The following HMBOX1 variants were observed in gnomAD, a reference collection of about 807,000 sequenced individuals.
HMBOX1 encodes homeobox-containing protein 1.
In HMBOX1, 14 loss-of-function variants were observed where a neutral mutation model predicts 54.5. The ratio of observed to expected loss-of-function variants is 0.26; its 90% confidence interval spans 0.17 to 0.40. The LOEUF (loss-of-function observed/expected upper bound fraction) is 0.40. Among genes scored for constraint, HMBOX1 ranks in the 10% least tolerant of loss-of-function variants. HMBOX1 has a pLI of 1.00. For synonymous variants in HMBOX1, 160 were observed against 181.0 expected (o/e 0.88, Z 0.93); for missense variants, 332 against 514.4 (o/e 0.65, Z 3.43).
At chr8:28,983,241 T>G (rs917339623) in intron 4 of HMBOX1, among the ~76,000 whole-genome samples, 1 of 152,206 alleles carries the variant, frequency 6.6e-6, no homozygotes, top group African/African-American at 2.4e-5. Flanking sequence ...CTGATGATTC[T>G]CCATTGTCTA....
At chr8:28,921,477 T>C (rs931325346) in intron 1 of HMBOX1, among the ~76,000 whole-genome samples, 4 of 152,218 alleles carry the variant, frequency 2.6e-5, no homozygotes, top group Admixed American at 1.3e-4. Context: ...AGAAAGATTT[T>C]AATAAAGCTT....
chr8:28,943,548 C>G (rs1215245806), intron 1 of HMBOX1, among the ~76,000 whole-genome samples: 1 of 152,144 alleles, frequency 6.6e-6, no homozygotes, highest in Non-Finnish European at 1.5e-5. Flanking sequence ...CTTCTGCTTT[C>G]AGGAAGGAAA....
chr8:28,974,662 G>A (rs1828071045), intron 3 of HMBOX1, among the ~76,000 whole-genome samples: 1 of 152,114 alleles, frequency 6.6e-6, no homozygotes, highest in African/African-American at 2.4e-5. Flanking sequence ...CAGTTACTAT[G>A]TTATTGATAC....
intron 5 of HMBOX1, chr8:29,009,902 C>A: frequency 9.0e-7 from 1 of 1,110,986 alleles, no homozygotes. Flanking sequence ...TGAGCCTGCC[C>A]TCATGTGTAA....
intron 3 of HMBOX1, among the ~76,000 whole-genome samples, chr8:28,974,265 T>A (rs1828013761): frequency 6.6e-6 from 1 of 152,172 alleles, no homozygotes; most frequent in Admixed American, 6.6e-5. Flanking sequence ...TTTAACAGAT[T>A]GTTGAATATA....
At chr8:28,902,242 G>T (rs982475684) in intron 1 of HMBOX1, among the ~76,000 whole-genome samples, 8 of 152,064 alleles carry the variant, frequency 5.3e-5, no homozygotes, top group African/African-American at 1.4e-4. Flanking sequence ...CCTGTCGCTG[G>T]TACCAGCTAC....
chr8:28,967,381 C>T (rs1267338244), intron 2 of HMBOX1, among the ~76,000 whole-genome samples: 2 of 152,188 alleles, frequency 1.3e-5, no homozygotes, highest in African/African-American at 4.8e-5. Flanking sequence ...TAGATTGTTT[C>T]ATATGCTGTG....
At chr8:29,029,882 AT>A (rs1802646291) in intron 6 of HMBOX1, among the ~76,000 whole-genome samples, 1 of 151,526 alleles carries the variant, frequency 6.6e-6, no homozygotes, top group Non-Finnish European at 1.5e-5. Context: ...TTTAACCCAA[AT>A]TTCTTCTCTT....
chr8:28,962,304 G>A (rs1825746625), intron 1 of HMBOX1, among the ~76,000 whole-genome samples: 1 of 152,052 alleles, frequency 6.6e-6, no homozygotes, highest in African/African-American at 2.4e-5. Flanking sequence ...ACATAATTCA[G>A]TGTCTTATGG....
At chr8:29,009,275 A>G (rs1194427607) in intron 5 of HMBOX1, 93 bp downstream of exon 5, 2 of 1,158,066 alleles carry the variant, frequency 1.7e-6, no homozygotes, top group Non-Finnish European at 2.5e-6. Context: ...GTTCAGTAAG[A>G]TGGTTTCATA....
At chr8:29,002,416 T>G (rs1336909970) in intron 4 of HMBOX1, among the ~76,000 whole-genome samples, 1 of 152,208 alleles carries the variant, frequency 6.6e-6, no homozygotes, top group African/African-American at 2.4e-5. Flanking sequence ...ATTTGTTGGT[T>G]GCACAGAGCA....
intron 1 of HMBOX1, among the ~76,000 whole-genome samples, chr8:28,926,319 A>ACACG (rs1336784716): frequency 6.6e-6 from 1 of 151,768 alleles, no homozygotes; most frequent in African/African-American, 2.4e-5. Flanking sequence ...ACACACACAC[A>ACACG]CACATATATT....
In HMBOX1 at chr8:29,051,709, C is replaced by G. The variant is rs1397303216; in HGVS notation, c.*554C>G. On this transcript the variant is annotated 3_prime_UTR_variant, in exon 10 of 10. Transcript: ENST00000287701. ...GTGCCTCATTATAGCCACACTGTGG[C>G]TAGATTATACTTCTTTGGGTGCTGT... 7.4e-6 allele frequency: 5 copies of G among 678,316 alleles called. No individual in the cohort carries two copies. Among genetic ancestry groups the G allele is most frequent in the Non-Finnish European group, 1.4e-5 (5 of 366,932 alleles). 42.0% of individuals were successfully genotyped at this position (678,316 alleles called of 1,614,324 possible).
chr8:28,914,625 G>A (rs1483924359), intron 1 of HMBOX1, among the ~76,000 whole-genome samples: 3 of 152,198 alleles, frequency 2.0e-5, no homozygotes, highest in Admixed American at 6.5e-5. Flanking sequence ...AGCCATGACA[G>A]CTAATGTGAC....
At chr8:28,973,819 T>TTTTTTGTTTTTG (rs1827904489) in intron 3 of HMBOX1, among the ~76,000 whole-genome samples, 4 of 130,066 alleles carry the variant, frequency 3.1e-5, no homozygotes, top group South Asian at 2.7e-4. Context: ...TTTTTTTTTT[T>TTTTTTGTTTTTG]TTTTTTTTTT....
intron 1 of HMBOX1, among the ~76,000 whole-genome samples, chr8:28,922,388 C>T (rs1336551036): frequency 2.0e-5 from 3 of 152,144 alleles, no homozygotes; most frequent in Non-Finnish European, 2.9e-5. Context: ...TGAAACCAAT[C>T]GCCCAAAGAT....
chr8:28,965,450 C>CTT (rs1826272520), intron 2 of HMBOX1, among the ~76,000 whole-genome samples: 1 of 152,166 alleles, frequency 6.6e-6, no homozygotes, highest in Non-Finnish European at 1.5e-5. Flanking sequence ...AGGGAATACA[C>CTT]TCAATAGATG....
intron 1 of HMBOX1, among the ~76,000 whole-genome samples, chr8:28,908,688 G>A (rs1814808061): frequency 6.6e-6 from 1 of 152,166 alleles, no homozygotes; most frequent in Admixed American, 6.5e-5. Flanking sequence ...CTGGGAGGTG[G>A]AGGTTGCAGT....
intron 6 of HMBOX1, among the ~76,000 whole-genome samples, chr8:29,042,980 AT>A (rs1805065806): frequency 6.6e-6 from 1 of 152,236 alleles, no homozygotes; most frequent in Non-Finnish European, 1.5e-5. Context: ...ATTTAAGATC[AT>A]GGAGGTAGAA....
Sources: gnomAD v4.1 joint callset for allele counts (sites outside exome capture counted in the v4.1 genomes callset) on GRCh38, gnomAD v4.1.1 for gene constraint, MANE v1.5 for transcripts, NCBI Gene and HGNC (gene_info 2026-07-23, HGNC 2026-07-21) for gene names.